Variants in KIF26B observed in about 807,000 individuals in gnomAD.
KIF26B encodes the protein kinesin family member 26B, also known as kinesin-like protein KIF26B.
In KIF26B, 63 loss-of-function variants were observed where a neutral mutation model predicts 151.2. The ratio of observed to expected loss-of-function variants is 0.42; its 90% CI spans 0.34 to 0.51. The LOEUF (loss-of-function observed/expected upper bound fraction) is 0.51. Ranked by LOEUF, KIF26B falls within the 20% of genes least tolerant of loss-of-function variation. KIF26B has a pLI of 0.07. For missense variants in KIF26B, 2,813 were observed against 2,913.6 expected, an observed-to-expected ratio of 0.97 and a Z score of 0.79; for synonymous variants, 1,357 against 1,262.1, an observed-to-expected ratio of 1.08 and a Z score of -1.59.
intron 4 of KIF26B, among the ~76,000 whole-genome samples, chr1:245,497,854 C>T (rs1356346508): frequency 3.9e-5 from 6 of 152,176 alleles, no homozygotes; most frequent in African/African-American, 1.4e-4. Flanking sequence ...AGTGATTCTC[C>T]TGCCTCAGCC....
At position 245,155,193 on chromosome 1, in the gene KIF26B, A is replaced by AG. The variant is rs1484034899; in HGVS notation, c.-232_-231insG. ...TGGAAGAGGCAGAAGGGGACGAGGAAAAGCATGCTTTGAAGAGAAGAATAA... is the reference window on the plus strand; with the variant it reads ...TGGAAGAGGCAGAAGGGGACGAGGAAGAAGCATGCTTTGAAGAGAAGAATAA... On this transcript the variant is annotated 5_prime_UTR_variant, in exon 1 of 15. Coordinates refer to ENST00000407071, the MANE Select transcript of KIF26B (RefSeq NM_018012.4). 1 of 561,916 alleles carries AG rather than the reference A, an allele frequency of 1.8e-6. No homozygotes were observed. The highest frequency in any genetic ancestry group is 2.0e-5 in the African/African-American group (1 of 51,190). The allele number at this position is 561,916 out of a possible 1,614,324, so 34.8% of individuals were successfully genotyped here. A position where few individuals can be genotyped will look rare whatever the true frequency, so the allele number is the denominator to read the frequency against.
At chr1:245,678,481 AGTT>A (rs987009388) in intron 10 of KIF26B, among the ~76,000 whole-genome samples, 4 of 152,020 alleles carry the variant, frequency 2.6e-5, no homozygotes, top group African/African-American at 9.7e-5. Context: ...TTTAAATATT[AGTT>A]GTTGTTATCT....
intron 4 of KIF26B, among the ~76,000 whole-genome samples, chr1:245,525,826 G>A (rs2103093590): frequency 6.6e-6 from 1 of 152,260 alleles, no homozygotes; most frequent in East Asian, 1.9e-4. Flanking sequence ...AGGATTTAGT[G>A]TTGTAGAATT....
At position 245,564,673 on chromosome 1, in the gene KIF26B, C is replaced by T. The variant is rs2153598; in HGVS notation, c.1350+23723C>T. Among the ~76,000 whole-genome samples the T allele has an allele frequency of 0.23, 35,012 of 152,042 alleles. 4,208 individuals carry two copies. Among genetic ancestry groups the T allele is most frequent in the Non-Finnish European group, 0.26 (17,710 of 67,980 alleles). On this transcript the variant is annotated intron_variant, in intron 5 of 14. Coordinates refer to ENST00000407071, the MANE Select transcript of KIF26B (RefSeq NM_018012.4). This position sits in a 1 kb window ranked among gnomAD's most constrained non-coding sequence, Gnocchi z 4.6. ...CAGACTCGAGGGAATGTTTTCCTTC[C>T]GGAACAACATTATAAAGCAGCAGCC...
intron 2 of KIF26B, among the ~76,000 whole-genome samples, chr1:245,259,934 C>CAAAA (rs35913005): frequency 5.6e-5 from 4 of 72,010 alleles, no homozygotes; most frequent in African/African-American, 1.7e-4. Context: ...GGTCCTGTCT[C>CAAAA]AAAAAAAAAA....
chr1:245,697,044 GA>G (rs1298947805), intron 12 of KIF26B, among the ~76,000 whole-genome samples: 3 of 152,216 alleles, frequency 2.0e-5, no homozygotes, highest in Non-Finnish European at 4.4e-5. Flanking sequence ...CCAGCAGGCA[GA>G]GGCTGCAGTG....
At chr1:245,160,852 C>G (rs1379965605) in intron 2 of KIF26B, among the ~76,000 whole-genome samples, 5 of 152,060 alleles carry the variant, frequency 3.3e-5, no homozygotes, top group Admixed American at 6.5e-5. Context: ...AGCCGGAGAC[C>G]AAGTAAGTCT....
chr1:245,214,788 C>T (rs564453470), intron 2 of KIF26B, among the ~76,000 whole-genome samples: 5 of 151,632 alleles, frequency 3.3e-5, no homozygotes, highest in Non-Finnish European at 5.9e-5. Flanking sequence ...TGCAGTGAGC[C>T]GAGATTGTGC....
chr1:245,386,022 T>C (rs986294795), intron 3 of KIF26B, among the ~76,000 whole-genome samples: 2 of 151,992 alleles, frequency 1.3e-5, no homozygotes, highest in African/African-American at 4.8e-5. Flanking sequence ...GGCTGAGCCA[T>C]CTGAGGTCAG....
intron 4 of KIF26B, among the ~76,000 whole-genome samples, chr1:245,493,459 T>C (rs1023777027): frequency 6.6e-6 from 1 of 152,238 alleles, no homozygotes; most frequent in Non-Finnish European, 1.5e-5. Flanking sequence ...AAATAATTTC[T>C]AACTGCCATG....
intron 5 of KIF26B, among the ~76,000 whole-genome samples, chr1:245,550,675 C>T (rs142876892): frequency 3.3e-4 from 51 of 152,314 alleles, no homozygotes; most frequent in Non-Finnish European, 6.2e-4. Flanking sequence ...GGGCCAGGCA[C>T]ATGCTGGAAA....
intron 5 of KIF26B, among the ~76,000 whole-genome samples, chr1:245,584,290 T>C (rs2043203468): frequency 6.6e-6 from 1 of 152,220 alleles, no homozygotes; most frequent in South Asian, 2.1e-4. Flanking sequence ...GCCAGTGTCA[T>C]GCATACACAG....
Position 245,443,517 on chromosome 1 carries a change from T to C in KIF26B, c.1166+23772T>C, listed in dbSNP as rs71533443. Reference sequence around the variant, plus strand: ...GAGAGGTCATCTCCCTCACTGTTCATCCTGCGGTCATCTCCCTCACTGTTC... The same window carrying C: ...GAGAGGTCATCTCCCTCACTGTTCACCCTGCGGTCATCTCCCTCACTGTTC... On this transcript the variant is annotated intron_variant, in intron 4 of 14. Coordinates refer to ENST00000407071, the MANE Select transcript of KIF26B (RefSeq NM_018012.4). 9.6e-4 allele frequency among the ~76,000 whole-genome samples: 85 copies of C among 88,720 alleles called. 1 individual carries two copies. The highest frequency in any genetic ancestry group is 0.014 in the Middle Eastern group (1 of 74). The allele number at this position is 88,720 out of a possible 152,430, so 58.2% of individuals were successfully genotyped here. A position where few individuals can be genotyped will look rare whatever the true frequency, so the allele number is the denominator to read the frequency against.
In KIF26B at chr1:245,691,845, A is replaced by G. The variant is rs199512800; in HGVS notation, c.5824+3038A>G. 4.6e-5 allele frequency among the ~76,000 whole-genome samples: 7 copies of G among 152,264 alleles called. No homozygotes were observed. In the East Asian group the frequency reaches 1.4e-3, roughly 29 times the overall value. ...CACCGTGGTTCCTTCTTGTCTTCTC[A>G]TTCTTGGAGGTCCATGTTGCTGAGG... On this transcript the variant is annotated intron_variant, in intron 12 of 14. Transcript: ENST00000407071.
intron 10 of KIF26B, among the ~76,000 whole-genome samples, chr1:245,680,744 C>G (rs955813163): frequency 6.6e-6 from 1 of 152,182 alleles, no homozygotes; most frequent in Non-Finnish European, 1.5e-5. Flanking sequence ...GCATTTGTAA[C>G]CCCAAAATCA....
At chr1:245,562,992 T>C (rs2042970818) in intron 5 of KIF26B, among the ~76,000 whole-genome samples, 1 of 152,160 alleles carries the variant, frequency 6.6e-6, no homozygotes, top group African/African-American at 2.4e-5. Flanking sequence ...GAATTACAAG[T>C]GTAAGCCACC....
chr1:245,668,606 C>T (rs2044245355), intron 10 of KIF26B, among the ~76,000 whole-genome samples: 1 of 152,174 alleles, frequency 6.6e-6, no homozygotes, highest in Admixed American at 6.5e-5. Context: ...ATGCACTGTT[C>T]TTTGTGCCAA....
chr1:245,339,604 T>C (rs921182436), intron 2 of KIF26B, among the ~76,000 whole-genome samples: 3 of 152,248 alleles, frequency 2.0e-5, no homozygotes, highest in Non-Finnish European at 2.9e-5. Context: ...GTAAGTGCCA[T>C]TTTATTATTG....
At chr1:245,374,845 T>C (rs1673235634) in intron 3 of KIF26B, among the ~76,000 whole-genome samples, 1 of 152,094 alleles carries the variant, frequency 6.6e-6, no homozygotes, top group South Asian at 2.1e-4. Context: ...TCCAAAAGGG[T>C]AGTCACAGCT....
Sources: allele counts gnomAD v4.1 joint callset (sites outside exome capture counted in the v4.1 genomes callset), GRCh38; gene constraint gnomAD v4.1.1; non-coding constraint Gnocchi (gnomAD v3.1); transcripts MANE v1.5; gene names NCBI Gene and HGNC (gene_info 2026-07-23, HGNC 2026-07-21).